Variants in DHX34 observed in about 807,000 individuals in gnomAD.
DHX34 encodes probable ATP-dependent RNA helicase DHX34.
In DHX34, 96 loss-of-function variants were observed where a neutral mutation model predicts 111.1. The observed-to-expected ratio is 0.86, with a 90% CI of 0.73 to 1.02. The LOEUF (loss-of-function observed/expected upper bound fraction) is 1.02, where lower values mean the gene tolerates loss of function less well. DHX34 is among the 50% of genes least tolerant of loss of function. The pLI is 0.00. For missense variants in DHX34, 1,560 were observed against 1,579.9 expected (o/e 0.99, Z 0.21); for synonymous variants, 688 against 670.4 (o/e 1.03, Z -0.41).
chr19:47,366,264 G>A (rs1969782453), intron 6 of DHX34, among the ~76,000 whole-genome samples: 1 of 151,744 alleles, frequency 6.6e-6, no homozygotes, highest in Admixed American at 6.6e-5. Context: ...TCTTGACATT[G>A]GGAATTTTAT....
chr19:47,357,809 C>T (rs1215787456), intron 3 of DHX34, 57 bp from the exon 4 acceptor site: 17 of 1,566,756 alleles, frequency 1.1e-5, no homozygotes, highest in Admixed American at 1.8e-5. Context: ...CTCCCCAGCC[C>T]ATTGCTCTGA....
intron 3 of DHX34, 133 bp downstream of exon 3, chr19:47,355,483 A>G (rs547934246): frequency 8.7e-6 from 12 of 1,375,222 alleles, no homozygotes; most frequent in Middle Eastern, 4.4e-4. Flanking sequence ...TTTTAAAGCT[A>G]CCATTTTCTG....
At chr19:47,365,330 C>A (rs917195782) in intron 6 of DHX34, among the ~76,000 whole-genome samples, 19 of 152,178 alleles carry the variant, frequency 1.2e-4, no homozygotes, top group African/African-American at 4.6e-4. Flanking sequence ...CGGCTCACTG[C>A]AACCTCCACC....
rs1399711627 is a variant in DHX34, at chr19:47,376,138, C to A, written c.2481+41C>A. The A allele has an allele frequency of 3.3e-6, 5 of 1,521,426 alleles. No homozygotes were observed. The South Asian group carries it at 6.5e-5, about 20-fold the overall frequency. The allele number at this position is 1,521,426 out of a possible 1,614,324, so 94.2% of individuals were successfully genotyped here. A position where few individuals can be genotyped will look rare whatever the true frequency, so the allele number is the denominator to read the frequency against. Reference sequence around the variant, plus strand: ...CCCCATCCTATGTTTTGTCCTCCAACACACGAACCCTGAGTGCCTGTCCTG... The same window carrying A: ...CCCCATCCTATGTTTTGTCCTCCAAAACACGAACCCTGAGTGCCTGTCCTG... On this transcript the variant is annotated intron_variant, in intron 11 of 16. Coordinates refer to ENST00000328771, the MANE Select transcript of DHX34 (RefSeq NM_014681.6).
intron 13 of DHX34, 157 bp from the exon 14 acceptor site, chr19:47,379,553 C>A: frequency 1.0e-6 from 1 of 984,476 alleles, no homozygotes; most frequent in Non-Finnish European, 1.2e-6. Flanking sequence ...CCCCAGCACC[C>A]GAAGGGGTGC....
At chr19:47,367,970 T>C in intron 7 of DHX34, among the ~76,000 whole-genome samples, 1 of 151,368 alleles carries the variant, frequency 6.6e-6, no homozygotes, top group Admixed American at 6.6e-5. Context: ...CAACCTAATA[T>C]ACCTAAAACA....
chr19:47,382,382 A>G lies in DHX34; in HGVS notation c.*269A>G. ...TCTTCCTGCTGCAGGGTGCTGCCTGAGGGGTCCTGGGTAGGAGGGGCGTTA... is the reference window on the plus strand; with the variant it reads ...TCTTCCTGCTGCAGGGTGCTGCCTGGGGGGTCCTGGGTAGGAGGGGCGTTA... On this transcript the variant is annotated 3_prime_UTR_variant, in exon 17 of 17. Transcript: ENST00000328771. 2 of 515,708 alleles carry G rather than the reference A, an allele frequency of 3.9e-6. No homozygotes were observed. Among genetic ancestry groups the G allele is most frequent in the Non-Finnish European group, 6.5e-6 (2 of 306,332 alleles). The allele number at this position is 515,708 out of a possible 1,614,324, so 31.9% of individuals were successfully genotyped here. A position where few individuals can be genotyped will look rare whatever the true frequency, so the allele number is the denominator to read the frequency against.
chr19:47,350,421 T>G (rs1042915797), intron 1 of DHX34, among the ~76,000 whole-genome samples: 20 of 124,076 alleles, frequency 1.6e-4, no homozygotes, highest in Non-Finnish European at 2.8e-4. Context: ...CAAAAATGAA[T>G]TTTTTTTTTT....
intron 5 of DHX34, among the ~76,000 whole-genome samples, chr19:47,361,200 G>A (rs1396065707): frequency 1.3e-5 from 2 of 152,066 alleles, no homozygotes; most frequent in African/African-American, 4.8e-5. Flanking sequence ...GCTCACACAT[G>A]TAATACCAGC....
chr19:47,367,234 G>A, intron 7 of DHX34, 79 bp downstream of exon 7: 2 of 1,318,526 alleles, frequency 1.5e-6, no homozygotes, highest in Non-Finnish European at 2.0e-6. Context: ...AGTGGCCTGG[G>A]GGCAAGTCTG....
intron 7 of DHX34, among the ~76,000 whole-genome samples, chr19:47,368,641 C>T (rs183778599): frequency 0.25 from 31,542 of 128,006 alleles, 5,254 homozygotes; most frequent in African/African-American, 0.49. Flanking sequence ...TATATATATA[C>T]ACACACACAC....
Position 47,376,032 on chromosome 19 carries a change from C to T in DHX34, c.2416C>T (p.Arg806Trp), listed in dbSNP as rs1267675159. Residue 806 changes from arginine (R) to tryptophan (W), a missense_variant, in exon 11 of 17, where the codon CGG (arginine) becomes TGG (tryptophan). By Grantham distance (101) the Arg-to-Trp change is moderately radical. Coordinates refer to ENST00000328771, the MANE Select transcript of DHX34 (RefSeq NM_014681.6). ...QLALLKLVLG[R>W]GLYPQLAVPD... is the part of the protein sequence containing the mutation. ...GGCTCTGCTGAAGCTGGTGCTGGGC[C>T]GGGGCCTGTACCCACAGCTGGCCGT... 76 of 1,604,056 alleles carry T rather than the reference C, an allele frequency of 4.7e-5. No individual in the cohort carries two copies. In the East Asian group the frequency reaches 1.2e-3, roughly 25 times the overall value.
chr19:47,376,430 C>T lies in DHX34; in HGVS notation c.2482-13C>T. ...AGATAGGAGGGCTTGTGCTTTCTCT[C>T]TGTCCTCCGCAGATTTTCCACACGC... is the stretch of plus-strand genomic sequence containing the variant. On this transcript the variant is annotated splice_polypyrimidine_tract_variant and intron_variant, in intron 11 of 16. Coordinates refer to ENST00000328771, the MANE Select transcript of DHX34 (RefSeq NM_014681.6). The T allele has an allele frequency of 1.2e-6, 2 of 1,608,752 alleles. No homozygotes were observed. Among genetic ancestry groups the T allele is most frequent in the Non-Finnish European group, 1.7e-6 (2 of 1,178,048 alleles).
chr19:47,350,669 C>G (rs1969258181), intron 1 of DHX34, among the ~76,000 whole-genome samples: 2 of 152,110 alleles, frequency 1.3e-5, no homozygotes, highest in South Asian at 2.1e-4. Flanking sequence ...ATCTGCCTGC[C>G]TCAGCCTCCC....
intron 8 of DHX34, 51 bp from the exon 9 acceptor site, chr19:47,373,545 TCCC>T: frequency 6.3e-7 from 1 of 1,581,696 alleles, no homozygotes. Flanking sequence ...GGTCAGCCCC[TCCC>T]TCCCCGCACT....
chr19:47,350,192 T>G (rs1287894043), intron 1 of DHX34, among the ~76,000 whole-genome samples: 1 of 150,198 alleles, frequency 6.7e-6, no homozygotes, highest in African/African-American at 2.5e-5. Flanking sequence ...TGGAGAGAGG[T>G]GGTGATGGAG....
chr19:47,362,595 G>T lies in DHX34; in HGVS notation c.1495G>T (p.Val499Phe). 3.7e-6 allele frequency: 6 copies of T among 1,613,934 alleles called. No homozygotes were observed. The highest frequency in any genetic ancestry group is 5.1e-6 in the Non-Finnish European group (6 of 1,180,000). Reference sequence around the variant, plus strand: ...CCGGGCGGGCCGCACGGGCCCCGGAGTCTGCTTCCGCCTCTATGCCGAATC... The same window carrying T: ...CCGGGCGGGCCGCACGGGCCCCGGATTCTGCTTCCGCCTCTATGCCGAATC... The part of the protein sequence containing the change: ...KGRAGRTGPG[V>F]CFRLYAESDY... The change falls in exon 6 of 17, where the codon GTC becomes TTC. Residue 499 changes from valine to phenylalanine, a missense_variant. Val to Phe is a conservative substitution (Grantham distance 50). Coordinates refer to ENST00000328771, the MANE Select transcript of DHX34 (RefSeq NM_014681.6).
intron 3 of DHX34, 151 bp downstream of exon 3, chr19:47,355,501 A>T: frequency 1.5e-6 from 2 of 1,299,244 alleles, no homozygotes; most frequent in Non-Finnish European, 2.1e-6. Flanking sequence ...CTGAGCATTC[A>T]TAATCAGCTG....
Position 47,370,914 on chromosome 19 carries a change from T to G in DHX34, c.1769-1816T>G, listed in dbSNP as rs560435829. On this transcript the variant is annotated intron_variant, in intron 7 of 16. Transcript: ENST00000328771. ...GTCTTGAACTCCTGACCTCAAGTGATCCGCCAGCCTCGGCATCCCTAAGTG... is the reference window on the plus strand; with the variant it reads ...GTCTTGAACTCCTGACCTCAAGTGAGCCGCCAGCCTCGGCATCCCTAAGTG... 3.3e-3 allele frequency among the ~76,000 whole-genome samples: 501 copies of G among 152,332 alleles called. 2 individuals are homozygous for G. The highest frequency in any genetic ancestry group is 5.6e-3 in the Non-Finnish European group (381 of 68,026).
Sources: allele counts gnomAD v4.1 joint callset (sites outside exome capture counted in the v4.1 genomes callset), GRCh38; gene constraint gnomAD v4.1.1; transcripts MANE v1.5; gene names NCBI Gene and HGNC (gene_info 2026-07-23, HGNC 2026-07-21).